RABGAP1: variants seen among roughly 807,000 people sequenced by gnomAD.
The protein encoded by RABGAP1 is rab GTPase-activating protein 1.
RABGAP1 carries 23 observed loss-of-function variants against 137.6 expected under a neutral mutation model. That is an observed-to-expected ratio of 0.17 (90% confidence interval 0.12 to 0.24). RABGAP1 has a LOEUF of 0.24. RABGAP1 is among the 10% of genes least tolerant of loss of function. The probability of loss-of-function intolerance (pLI) is 1.00; values close to 1 mark genes in which losing one functional copy is unlikely to be tolerated. For missense variants in RABGAP1, 906 were observed against 1,275.8 expected, an observed-to-expected ratio of 0.71 and a Z score of 4.42; for synonymous variants, 451 against 450.7, an observed-to-expected ratio of 1.00 and a Z score of -0.01.
intron 13 of RABGAP1, among the ~76,000 whole-genome samples, chr9:123,053,982 A>G (rs2033594954): frequency 6.6e-6 from 1 of 152,242 alleles, no homozygotes; most frequent in East Asian, 1.9e-4. Context: ...ACAGTAAGGT[A>G]TAAAAATAGT....
In RABGAP1 at chr9:123,020,434, A is replaced by G; in HGVS notation, c.1769A>G (p.Glu590Gly). Residue 590 changes from glutamate to glycine, a missense_variant, in exon 13 of 26, where the codon GAG (glutamate) becomes GGG (glycine). This residue lies in a region of RABGAP1 where 212 missense variants were observed against 289.4 expected (regional missense o/e 0.73). Coordinates refer to ENST00000373647, the MANE Select transcript of RABGAP1 (RefSeq NM_012197.4). ...AGCHNNDHLV[E>G]KYRILITKES... ...TGTCATAACAATGACCACCTGGTAG[A>G]GAAATACCGCATTCTTATCACAAAG... The G allele has an allele frequency of 6.2e-7, 1 of 1,601,434 alleles. No homozygotes were observed. Among genetic ancestry groups the G allele is most frequent in the Non-Finnish European group, 8.5e-7 (1 of 1,173,548 alleles).
intron 24 of RABGAP1, among the ~76,000 whole-genome samples, chr9:123,100,079 CT>C (rs2035295600): frequency 6.6e-6 from 1 of 152,166 alleles, no homozygotes; most frequent in African/African-American, 2.4e-5. Flanking sequence ...CTCCCTCAGC[CT>C]GAGCTGCTGG....
At chr9:122,973,048 C>T (rs111693161) in intron 2 of RABGAP1, among the ~76,000 whole-genome samples, 101 of 149,050 alleles carry the variant, frequency 6.8e-4, no homozygotes, top group African/African-American at 2.3e-3. Flanking sequence ...AGGTATTTTT[C>T]GTAATAAAAT....
chr9:123,008,364 T>G (rs1466764219), intron 10 of RABGAP1, among the ~76,000 whole-genome samples: 4 of 152,004 alleles, frequency 2.6e-5, no homozygotes, highest in African/African-American at 9.7e-5. Flanking sequence ...GCCAACATGG[T>G]GAAACCCCGT....
chr9:123,013,941 G>A (rs994045533), intron 11 of RABGAP1, among the ~76,000 whole-genome samples: 5 of 152,178 alleles, frequency 3.3e-5, no homozygotes, highest in African/African-American at 1.2e-4. Context: ...AAGATCCATG[G>A]AAACAAGTAC....
At chr9:123,071,493 A>G (rs1461313876) in intron 15 of RABGAP1, 1 of 152,244 alleles carries the variant, frequency 6.6e-6, no homozygotes, top group Non-Finnish European at 1.5e-5. Context: ...ACTGTGCTGA[A>G]GATCAGAGGT....
chr9:122,964,654 A>G (rs1367011034), intron 2 of RABGAP1, among the ~76,000 whole-genome samples: 1 of 152,172 alleles, frequency 6.6e-6, no homozygotes. Flanking sequence ...GCCTAAGTTT[A>G]AGAATAAGAC....
In RABGAP1 at chr9:123,079,239, G is replaced by T. The variant is rs868641860; in HGVS notation, c.2424+2477G>T. ...TTTTTTTGTTTTTTTGTTTTGTTTT[G>T]TTTTTTTTTTTTTTTTTTGAGACAG... is the stretch of plus-strand genomic sequence containing the variant. On this transcript the variant is annotated intron_variant, in intron 19 of 25. Transcript: ENST00000373647. Among the ~76,000 whole-genome samples, 451 of 106,684 alleles carry T rather than the reference G, an allele frequency of 4.2e-3. 4 individuals carry two copies. Among genetic ancestry groups the T allele is most frequent in the African/African-American group, 0.012 (411 of 34,562 alleles). 70.0% of individuals were successfully genotyped at this position (106,684 alleles called of 152,430 possible).
chr9:122,996,490 C>G, intron 7 of RABGAP1, 49 bp from the exon 8 acceptor site: 2 of 1,521,418 alleles, frequency 1.3e-6, no homozygotes, highest in African/African-American at 1.4e-5. Flanking sequence ...TTTAAACGTT[C>G]TTTTGTGTTA....
intron 13 of RABGAP1, among the ~76,000 whole-genome samples, chr9:123,028,522 G>A (rs547144488): frequency 2.9e-4 from 44 of 152,348 alleles, no homozygotes; most frequent in Middle Eastern, 6.8e-3. Flanking sequence ...GATAGTTGGG[G>A]TGGGATAGGG....
chr9:122,933,589 A>G, the RABGAP1 span, among the ~76,000 whole-genome samples: 1 of 151,320 alleles, frequency 6.6e-6, no homozygotes, highest in African/African-American at 2.4e-5. Flanking sequence ...AGTAGCTGGG[A>G]TTATGGGCGC....
intron 1 of RABGAP1, among the ~76,000 whole-genome samples, chr9:122,951,869 G>A (rs890142310): frequency 3.3e-5 from 5 of 152,158 alleles, no homozygotes; most frequent in Non-Finnish European, 5.9e-5. Context: ...CACTGCTCCT[G>A]GCTAATTGTG....
chr9:123,064,870 T>C (rs759836403), intron 13 of RABGAP1, among the ~76,000 whole-genome samples: 6 of 152,260 alleles, frequency 3.9e-5, no homozygotes, highest in Non-Finnish European at 7.3e-5. Context: ...TGCATTCTTA[T>C]GCCATTTGCC....
intron 13 of RABGAP1, among the ~76,000 whole-genome samples, chr9:123,051,216 G>GTTTTTCTTTTTTTTTTT (rs2033444410): frequency 2.9e-5 from 1 of 34,278 alleles, no homozygotes; most frequent in Non-Finnish European, 5.6e-5. Flanking sequence ...ATTCACCTTG[G>GTTTTTCTTTTTTTTTTT]TTTTTTTTTT....
In RABGAP1 at chr9:123,101,695, C is replaced by A. The variant is rs751244686; in HGVS notation, c.3019C>A (p.Leu1007Met). ...AGAGAAAGAGACGCTCAAGAACCAG[C>A]TGAGAGAAATGGAGCTAGAACTGGC... ...DEEKETLKNQ[L>M]REMELELAQT... The change falls in exon 25 of 26, where the codon CTG becomes ATG. Residue 1007 changes from leucine (L) to methionine (M), a missense_variant. This residue lies in a region of RABGAP1 where 193 missense variants were observed against 248.1 expected (regional missense o/e 0.78). Transcript: ENST00000373647. The A allele has an allele frequency of 3.1e-6, 5 of 1,613,878 alleles. No individual in the cohort carries two copies. Among genetic ancestry groups the A allele is most frequent in the Non-Finnish European group, 4.2e-6 (5 of 1,179,930 alleles).
chr9:122,961,348 G>A (rs1050791389), intron 2 of RABGAP1, among the ~76,000 whole-genome samples: 3 of 152,116 alleles, frequency 2.0e-5, no homozygotes, highest in Non-Finnish European at 1.5e-5. Flanking sequence ...AAAAAATGGA[G>A]GCAAGAAGCC....
chr9:122,932,858 A>T, the RABGAP1 span, among the ~76,000 whole-genome samples: 1 of 152,130 alleles, frequency 6.6e-6, no homozygotes, highest in Admixed American at 6.5e-5. Context: ...CCCAGTTGTT[A>T]AGAGTGTTGT....
intron 13 of RABGAP1, among the ~76,000 whole-genome samples, chr9:123,056,111 A>G (rs1037192294): frequency 1.3e-5 from 2 of 152,218 alleles, no homozygotes; most frequent in Non-Finnish European, 2.9e-5. Context: ...AGTAAATGGT[A>G]TTAGATACCA....
At chr9:122,989,085 CATG>C (rs1328171387) in intron 4 of RABGAP1, among the ~76,000 whole-genome samples, 3 of 151,958 alleles carry the variant, frequency 2.0e-5, no homozygotes, top group African/African-American at 7.3e-5. Flanking sequence ...CTCCCTAAAA[CATG>C]ATACTATATG....
Sources: gnomAD v4.1 joint callset for allele counts (sites outside exome capture counted in the v4.1 genomes callset) on GRCh38, gnomAD v4.1.1 for gene constraint, gnomAD v4.1.1 regional missense constraint, MANE v1.5 for transcripts, NCBI Gene and HGNC (gene_info 2026-07-23, HGNC 2026-07-21) for gene names.